The following ENTHD1 variants were observed in gnomAD, a reference collection of about 807,000 sequenced individuals.
The protein encoded by ENTHD1 is ENTH domain-containing protein 1.
ENTHD1 carries 23 observed loss-of-function variants against 39.1 expected under a neutral mutation model. The ratio of observed to expected loss-of-function variants is 0.59; its 90% CI spans 0.42 to 0.83. The LOEUF is 0.83. Among genes scored for constraint, ENTHD1 ranks in the 40% least tolerant of loss-of-function variants. The pLI is 0.00. For missense variants in ENTHD1, 624 were observed against 705.4 expected, an observed-to-expected ratio of 0.88 and a Z score of 1.31; for synonymous variants, 230 against 258.2, an observed-to-expected ratio of 0.89 and a Z score of 1.05.
intron 2 of ENTHD1, chr22:39,875,874 T>G: frequency 1.9e-6 from 3 of 1,613,974 alleles, no homozygotes; most frequent in Non-Finnish European, 1.7e-6. Flanking sequence ...TTATCACAGT[T>G]GAGGGACCCA....
intron 5 of ENTHD1, among the ~76,000 whole-genome samples, chr22:39,778,405 C>A (rs2065382331): frequency 6.6e-6 from 1 of 152,168 alleles, no homozygotes; most frequent in Admixed American, 6.5e-5. Flanking sequence ...AACTATAACT[C>A]TCAGACATAT....
intron 5 of ENTHD1, among the ~76,000 whole-genome samples, chr22:39,775,889 C>T (rs1023832538): frequency 1.3e-5 from 2 of 152,084 alleles, no homozygotes; most frequent in African/African-American, 4.8e-5. Flanking sequence ...GCAATGAATA[C>T]TGTCTTTTTT....
chr22:39,861,889 C>T lies in ENTHD1; in HGVS notation c.468G>A (p.Leu156=). 6.2e-7 allele frequency: 1 copy of T among 1,606,016 alleles called. No homozygotes were observed. Among genetic ancestry groups the T allele is most frequent in the Non-Finnish European group, 8.5e-7 (1 of 1,174,518 alleles). Residue 156 remains leucine (L), a synonymous_variant, in exon 3 of 7, where the codon TTG becomes TTA. Coordinates refer to ENST00000325157, the MANE Select transcript of ENTHD1 (RefSeq NM_152512.4). ...TTGAACCAAGTTGTCTTTTAGAAAA[C>T]AATATAGAGTGGGAGGTACGCTGTC... is the stretch of plus-strand genomic sequence containing the variant. ...RTRQRTSHSI[L]FSKRQLGSSN...
rs543053169 is a variant in ENTHD1, at chr22:39,856,130, C to T, written c.592+5635G>A. Among the ~76,000 whole-genome samples, 19 of 152,038 alleles carry T rather than the reference C, an allele frequency of 1.2e-4. No individual in the cohort carries two copies. In the East Asian group the frequency reaches 2.7e-3, roughly 22 times the overall value. ...TCTCTACTAAAAATACAAAATTAGCCGGGTATGGTGGCATGTGCCTGTAAT... is the reference window on the plus strand; with the variant it reads ...TCTCTACTAAAAATACAAAATTAGCTGGGTATGGTGGCATGTGCCTGTAAT... On this transcript the variant is annotated intron_variant, in intron 3 of 6. Transcript: ENST00000325157.
At chr22:39,830,802 T>C (rs1374186520) in intron 4 of ENTHD1, among the ~76,000 whole-genome samples, 5 of 152,212 alleles carry the variant, frequency 3.3e-5, no homozygotes, top group Non-Finnish European at 4.4e-5. Context: ...AATGAGATAA[T>C]TTCACAGTCA....
chr22:39,814,868 T>C (rs1159961346), intron 5 of ENTHD1, among the ~76,000 whole-genome samples: 1 of 152,132 alleles, frequency 6.6e-6, no homozygotes, highest in African/African-American at 2.4e-5. Context: ...ACAAGATACA[T>C]ATGAAAAGTA....
chr22:39,800,339 T>A (rs1414850121), intron 5 of ENTHD1, among the ~76,000 whole-genome samples: 1 of 152,246 alleles, frequency 6.6e-6, no homozygotes, highest in Non-Finnish European at 1.5e-5. Context: ...CTATTTTGGT[T>A]CTTTGTGGAA....
chr22:39,810,100 A>T (rs2065673756), intron 5 of ENTHD1, among the ~76,000 whole-genome samples: 1 of 152,148 alleles, frequency 6.6e-6, no homozygotes, highest in South Asian at 2.1e-4. Context: ...GAACTTCTTG[A>T]GGGGAAGGTC....
At chr22:39,834,324 T>A (rs1241420189) in intron 4 of ENTHD1, among the ~76,000 whole-genome samples, 29 of 152,146 alleles carry the variant, frequency 1.9e-4, no homozygotes, top group Non-Finnish European at 1.5e-5. Context: ...GGATAAAAGA[T>A]GTGAACATAT....
chr22:39,794,833 T>C (rs1601598860), intron 5 of ENTHD1, among the ~76,000 whole-genome samples: 1 of 152,072 alleles, frequency 6.6e-6, no homozygotes, highest in African/African-American at 2.4e-5. Flanking sequence ...GGCATCCTTT[T>C]CTTGTTCCAG....
At chr22:39,804,452 CAAA>C (rs541007024) in intron 5 of ENTHD1, among the ~76,000 whole-genome samples, 8 of 78,020 alleles carry the variant, frequency 1.0e-4, no homozygotes, top group Admixed American at 3.9e-4. Flanking sequence ...GACTCTGTCT[CAAA>C]AAAAAAAAAA....
intron 1 of ENTHD1, among the ~76,000 whole-genome samples, chr22:39,891,512 G>A (rs997013745): frequency 6.8e-6 from 1 of 147,896 alleles, no homozygotes; most frequent in Non-Finnish European, 1.5e-5. Flanking sequence ...TCACTATGTA[G>A]CCCAGGCTGC....
At position 39,850,310 on chromosome 22, in the gene ENTHD1, A is replaced by G. The variant is rs139853462; in HGVS notation, c.592+11455T>C. On this transcript the variant is annotated intron_variant, in intron 3 of 6. Transcript: ENST00000325157. ...ATCTTCCTGGGAAATTGAGCATCTT[A>G]TTATTATCCTTAATGCTCTTGGCTT... 5.5e-3 allele frequency among the ~76,000 whole-genome samples: 830 copies of G among 152,276 alleles called. 8 individuals are homozygous for G. Among genetic ancestry groups the G allele is most frequent in the Middle Eastern group, 0.02 (6 of 294 alleles).
intron 5 of ENTHD1, among the ~76,000 whole-genome samples, chr22:39,769,079 T>TAC (rs1160655817): frequency 5.9e-5 from 9 of 152,004 alleles, no homozygotes; most frequent in African/African-American, 2.4e-5. Context: ...TGTACATATA[T>TAC]ACACACACAA....
At chr22:39,772,186 C>T (rs1025921258) in intron 5 of ENTHD1, among the ~76,000 whole-genome samples, 1 of 152,102 alleles carries the variant, frequency 6.6e-6, no homozygotes, top group Non-Finnish European at 1.5e-5. Flanking sequence ...ATTAGATTCT[C>T]ATAAGGAGTG....
chr22:39,797,348 T>C (rs2065558988), intron 5 of ENTHD1, among the ~76,000 whole-genome samples: 1 of 152,252 alleles, frequency 6.6e-6, no homozygotes, highest in African/African-American at 2.4e-5. Flanking sequence ...GAAATTTTAA[T>C]TCTTTTACCT....
chr22:39,805,184 T>C (rs1036137408), intron 5 of ENTHD1, among the ~76,000 whole-genome samples: 2 of 152,224 alleles, frequency 1.3e-5, no homozygotes, highest in African/African-American at 4.8e-5. Flanking sequence ...CATTCTTCTT[T>C]CATTCTGAGG....
intron 5 of ENTHD1, among the ~76,000 whole-genome samples, chr22:39,802,295 A>G (rs1569146573): frequency 6.6e-6 from 1 of 152,274 alleles, no homozygotes; most frequent in Non-Finnish European, 1.5e-5. Flanking sequence ...CTCAAGACTC[A>G]GAGAAAACCG....
At chr22:39,801,118 T>C (rs141465764) in intron 5 of ENTHD1, among the ~76,000 whole-genome samples, 1 of 152,364 alleles carries the variant, frequency 6.6e-6, no homozygotes, top group East Asian at 1.9e-4. Flanking sequence ...TTCTGAATAA[T>C]TAAGCTGTTC....
Sources: gnomAD v4.1 joint callset for allele counts (sites outside exome capture counted in the v4.1 genomes callset) on GRCh38, gnomAD v4.1.1 for gene constraint, MANE v1.5 for transcripts, NCBI Gene and HGNC (gene_info 2026-07-23, HGNC 2026-07-21) for gene names.